The following SYNE4 variants were observed in gnomAD, a reference collection of about 807,000 sequenced individuals.
SYNE4 encodes nesprin-4.
A neutral mutation model predicts 46.9 loss-of-function variants in SYNE4; 41 were observed. The ratio of observed to expected loss-of-function variants is 0.87; its 90% CI spans 0.68 to 1.13. The LOEUF (loss-of-function observed/expected upper bound fraction) is 1.13, where lower values mean the gene tolerates loss of function less well. Ranked by LOEUF, SYNE4 falls within the 50% of genes most tolerant of loss-of-function variation. SYNE4 has a pLI of 0.00. For missense variants in SYNE4, 492 were observed against 514.8 expected (o/e 0.96, Z 0.43); for synonymous variants, 221 against 219.5 (o/e 1.01, Z -0.06).
In SYNE4 at chr19:36,006,845, C is replaced by A; in HGVS notation, c.523G>T (p.Ala175Ser). 6.3e-7 allele frequency: 1 copy of A among 1,592,706 alleles called. No homozygotes were observed. The highest frequency in any genetic ancestry group is 8.5e-7 in the Non-Finnish European group (1 of 1,171,006). Residue 175 changes from alanine to serine, a missense_variant, in exon 4 of 8, where the codon GCC (alanine) becomes TCC (serine). Transcript: ENST00000324444. ...AGGGCCCGCAGGATCTGCTCCAGGG[C>A]TGCCCAGGCCCTGGGCTCACTCCGC... The part of the protein sequence containing the change: ...AQRSEPRAWA[A>S]LEQILRALGA...
Position 36,008,544 on chromosome 19 carries a change from C to T in SYNE4, c.128+10G>A, listed in dbSNP as rs376639796. The T allele has an allele frequency of 3.9e-4, 633 of 1,613,452 alleles. 2 individuals carry two copies. In the Middle Eastern group the frequency reaches 7.0e-3, roughly 18 times the overall value. The stretch of plus-strand genomic sequence containing the variant: ...TTTTGGGAACAAGCTTCCAAAGCCC[C>T]GGCCCCCACCTCGTGCTCTCCTCTC... On this transcript the variant is annotated intron_variant, in intron 1 of 7. Transcript: ENST00000324444.
rs1347807846 is a variant in SYNE4 at position 36,006,553 on chromosome 19, T to A, written c.737A>T (p.Glu246Val). Residue 246 changes from glutamate to valine, a missense_variant, in exon 5 of 8, where the codon GAG (glutamate) becomes GTG (valine). Physicochemically the swap from Glu to Val is moderately radical, Grantham distance 121. Transcript: ENST00000324444. ...GTCCCCCGCCGGATCCCACTCCAAC[T>A]CTGTGGAAGTGGGGAGGCTACTGGG... ...WAPSSLPTSTELEWDPAGDIG... is the reference protein window; with the variant it reads ...WAPSSLPTSTVLEWDPAGDIG... The A allele has an allele frequency of 1.0e-5, 16 of 1,607,032 alleles. No individual in the cohort carries two copies. Among genetic ancestry groups the A allele is most frequent in the Non-Finnish European group, 1.3e-5 (15 of 1,176,704 alleles).
intron 6 of SYNE4, chr19:36,003,913 A>T (rs1976761368): frequency 1.2e-5 from 2 of 168,804 alleles, no homozygotes; most frequent in Non-Finnish European, 2.4e-5. Context: ...ATGGAGTTTC[A>T]CCATGTTGGC....
Position 36,007,112 on chromosome 19 carries a change from C to A in SYNE4, c.423+13G>T. ...GCCGTGCCCACCCCCACATCCTGGC[C>A]TCTCCTGCCTACCTGCAGCTGCACC... On this transcript the variant is annotated intron_variant, in intron 3 of 7. Transcript: ENST00000324444. 1 of 1,594,492 alleles carries A rather than the reference C, an allele frequency of 6.3e-7. No homozygotes were observed. Among genetic ancestry groups the A allele is most frequent in the African/African-American group, 1.3e-5 (1 of 74,478 alleles).
rs1210815316 is a variant in SYNE4 at position 36,008,573 on chromosome 19, ACGCGGGG to A, written c.102_108del (p.Ala36GlufsTer65). 1 of 1,613,644 alleles carries A rather than the reference ACGCGGGG, an allele frequency of 6.2e-7. No homozygotes were observed. The highest frequency in any genetic ancestry group is 8.5e-7 in the Non-Finnish European group (1 of 1,179,900). On this transcript the variant is annotated frameshift_variant, in exon 1 of 8. Transcript: ENST00000324444. LOFTEE classifies it high-confidence loss of function. ...CCCCACCTCGTGCTCTCCTCTCCGG[ACGCGGGG>A]CAGACGGTGCATCCAACAATGTCCG...
intron 2 of SYNE4, 44 bp downstream of exon 2, chr19:36,008,173 A>G (rs1180662867): frequency 1.3e-6 from 2 of 1,571,666 alleles, no homozygotes; most frequent in Admixed American, 3.7e-5. Flanking sequence ...GGGGACAGAG[A>G]GGAGGTGGGG....
intron 6 of SYNE4, 76 bp from the exon 7 acceptor site, chr19:36,003,747 CT>C: frequency 6.4e-7 from 1 of 1,552,136 alleles, no homozygotes; most frequent in Non-Finnish European, 8.7e-7. Flanking sequence ...GAGACGGAGT[CT>C]CACTCTTGGC....
At chr19:36,007,083 T>C (rs1232063030) in intron 3 of SYNE4, 42 bp downstream of exon 3, 2 of 1,579,840 alleles carry the variant, frequency 1.3e-6, no homozygotes. Context: ...CACCCACTGC[T>C]GGGGCCGTGC....
Position 36,006,488 on chromosome 19 carries a change from T to C in SYNE4, c.802A>G (p.Thr268Ala). The change falls in exon 5 of 8, where the codon ACA (threonine) becomes GCA (alanine). Residue 268 changes from threonine to alanine, a missense_variant. Thr to Ala is a moderately conservative substitution (Grantham distance 58). Coordinates refer to ENST00000324444, the MANE Select transcript of SYNE4 (RefSeq NM_001039876.3). ...LGPLGQKTAR[T>A]LGVPCELCGQ... ...CACAGCTCACAGGGCACTCCTAGTG[T>C]CCGGGCTGTCTTTTGTCCCAAGGGC... 1.9e-6 allele frequency: 3 copies of C among 1,611,996 alleles called. No individual in the cohort carries two copies. Among genetic ancestry groups the C allele is most frequent in the Non-Finnish European group, 2.5e-6 (3 of 1,179,144 alleles).
chr19:36,006,296 G>A (rs1976847338), intron 5 of SYNE4, 127 bp downstream of exon 5: 3 of 1,264,074 alleles, frequency 2.4e-6, no homozygotes, highest in African/African-American at 3.0e-5. Context: ...GAGACACCGA[G>A]AGACAGAGAT....
chr19:36,003,656 C>A lies in SYNE4; in HGVS notation c.988G>T (p.Ala330Ser). ...CTCACATCCTGGAGATGAGGAGATG[C>A]TTGCCTCTTCTTGTCCTAAGGAGGG... The part of the protein sequence containing the change: ...LRKPQDKKRQ[A>S]SPHLQDVRLE... Residue 330 changes from alanine to serine, a missense_variant, in exon 7 of 8, where the codon GCA becomes TCA. Transcript: ENST00000324444. 6.2e-7 allele frequency: 1 copy of A among 1,612,852 alleles called. No individual in the cohort carries two copies. Among genetic ancestry groups the A allele is most frequent in the Non-Finnish European group, 8.5e-7 (1 of 1,179,606 alleles).
chr19:36,006,225 T>G, intron 5 of SYNE4, 198 bp downstream of exon 5: 2 of 726,864 alleles, frequency 2.8e-6, no homozygotes, highest in African/African-American at 1.8e-5. Context: ...GGAGTGAATT[T>G]GAGATGGGGC....
At position 36,006,598 on chromosome 19, in the gene SYNE4, C is replaced by T. The variant is rs747417297; in HGVS notation, c.692G>A (p.Gly231Glu). Residue 231 changes from glycine (G) to glutamate (E), a missense_variant, in exon 5 of 8, where the codon GGG (glycine) becomes GAG (glutamate). Transcript: ENST00000324444. ...EGDSDWPGPG[G>E]VWGPWAPSSL... ...ACTGGGTGCCCAGGGCCCCCAGACC[C>T]CACCAGGTCCTGGCCAGTCCGAGTC... is the stretch of plus-strand genomic sequence containing the variant. The T allele has an allele frequency of 1.5e-4, 247 of 1,608,952 alleles. No homozygotes were observed. The highest frequency in any genetic ancestry group is 3.3e-4 in the Middle Eastern group (2 of 6,076).
Position 36,003,513 on chromosome 19 carries a change from CG to C in SYNE4, c.1038del (p.Asp347IlefsTer8). 1 of 1,598,722 alleles carries C rather than the reference CG, an allele frequency of 6.3e-7. No homozygotes were observed. The highest frequency in any genetic ancestry group is 1.1e-5 in the South Asian group (1 of 89,160). ...GTCAGAGGCTGCCTGGATGCAGGAT[CG>C]GGGGCCCTGTGAAGGGAAATGCAGT... ...DVRLEGNPGA[P>X]DPASRQPLTF... On this transcript the variant is annotated frameshift_variant, in exon 8 of 8. Coordinates refer to ENST00000324444, the MANE Select transcript of SYNE4 (RefSeq NM_001039876.3). LOFTEE classifies it low-confidence loss of function (END_TRUNC).
At chr19:36,006,400 C>T in intron 5 of SYNE4, 23 bp downstream of exon 5, 1 of 1,570,184 alleles carries the variant, frequency 6.4e-7, no homozygotes, top group Non-Finnish European at 8.6e-7. Flanking sequence ...GGCAGAAGGT[C>T]CCTCAAGGGG....
intron 6 of SYNE4, among the ~76,000 whole-genome samples, chr19:36,004,914 G>A (rs1976797583): frequency 9.4e-6 from 1 of 106,682 alleles, no homozygotes; most frequent in Non-Finnish European, 1.7e-5. Flanking sequence ...GTCTCACTAT[G>A]TTGCTCAGAC....
intron 6 of SYNE4, 43 bp from the exon 7 acceptor site, chr19:36,003,714 T>C (rs1976754806): frequency 6.3e-7 from 1 of 1,592,466 alleles, no homozygotes; most frequent in African/African-American, 1.3e-5. Context: ...ATAGAAATGA[T>C]GCTTTATTTG....
intron 5 of SYNE4, 194 bp downstream of exon 5, chr19:36,006,229 A>G: frequency 1.3e-6 from 1 of 754,090 alleles, no homozygotes; most frequent in Non-Finnish European, 1.9e-6. Context: ...TGAATTTGAG[A>G]TGGGGCTTGA....
intron 5 of SYNE4, 35 bp from the exon 6 acceptor site, chr19:36,005,472 G>T: frequency 6.2e-7 from 1 of 1,600,186 alleles, no homozygotes; most frequent in South Asian, 1.1e-5. Flanking sequence ...ACGTGGTTGG[G>T]GGAGGGCCAG....
Sources: gnomAD v4.1 joint callset for allele counts (sites outside exome capture counted in the v4.1 genomes callset) on GRCh38, gnomAD v4.1.1 for gene constraint, MANE v1.5 for transcripts, NCBI Gene and HGNC (gene_info 2026-07-23, HGNC 2026-07-21) for gene names.